Variants in SLC9B1 observed in about 807,000 individuals in gnomAD.
SLC9B1 encodes sodium/hydrogen exchanger 9B1.
Under a neutral mutation model 51.7 loss-of-function variants are expected in SLC9B1, and 32 were observed. The observed-to-expected ratio is 0.62, with a 90% CI of 0.47 to 0.83. SLC9B1 has a LOEUF of 0.83. Ranked by LOEUF, SLC9B1 falls within the 40% of genes least tolerant of loss-of-function variation. The probability of loss-of-function intolerance (pLI) is 0.00; values close to 1 mark genes in which losing one functional copy is unlikely to be tolerated. For missense variants in SLC9B1, 406 were observed against 613.2 expected, an observed-to-expected ratio of 0.66 and a Z score of 3.57; for synonymous variants, 145 against 212.7, an observed-to-expected ratio of 0.68 and a Z score of 2.77.
At chr4:102,899,595 G>C (rs1734696953), downstream of SLC9B1, among the ~76,000 whole-genome samples, 1 of 151,854 alleles carries the variant, frequency 6.6e-6, no homozygotes, top group Non-Finnish European at 1.5e-5. Context: ...TGTATTTTTA[G>C]TAGAGACGGG....
chr4:102,945,133 A>G, intron 6 of SLC9B1, 60 bp downstream of exon 6: 1 of 1,421,564 alleles, frequency 7.0e-7, no homozygotes, highest in Non-Finnish European at 9.4e-7. Flanking sequence ...ATATTTTAAC[A>G]GTTTTAATGA....
chr4:102,977,830 TAA>T (rs1474482050), intron 3 of SLC9B1, among the ~76,000 whole-genome samples: 1 of 152,218 alleles, frequency 6.6e-6, no homozygotes, highest in Non-Finnish European at 1.5e-5. Flanking sequence ...TATTATACTT[TAA>T]GTTTTAGGGT....
At chr4:102,950,560 T>C (rs1737495815) in intron 3 of SLC9B1, among the ~76,000 whole-genome samples, 1 of 152,216 alleles carries the variant, frequency 6.6e-6, no homozygotes, top group Admixed American at 6.5e-5. Context: ...TTTCCGGCTG[T>C]ATAGAATTTG....
chr4:102,939,814 A>C (rs1219526149), intron 6 of SLC9B1, among the ~76,000 whole-genome samples: 1 of 151,918 alleles, frequency 6.6e-6, no homozygotes, highest in Non-Finnish European at 1.5e-5. Context: ...TCCCTTCATG[A>C]TATAGACCCT....
At chr4:102,911,608 A>C in intron 7 of SLC9B1, 71 bp from the exon 8 acceptor site, 1 of 911,136 alleles carries the variant, frequency 1.1e-6, no homozygotes. Context: ...CAGAAAAGCA[A>C]ATCTAGGTGG....
At chr4:103,006,693 A>C (rs1740806302) in intron 1 of SLC9B1, among the ~76,000 whole-genome samples, 1 of 152,120 alleles carries the variant, frequency 6.6e-6, no homozygotes, top group Non-Finnish European at 1.5e-5. Flanking sequence ...AATAAAAAAG[A>C]AAAAGGCCAA....
chr4:102,986,458 G>C (rs1191670600), intron 3 of SLC9B1, among the ~76,000 whole-genome samples: 1 of 151,972 alleles, frequency 6.6e-6, no homozygotes, highest in Non-Finnish European at 1.5e-5. Context: ...AGTCTGTTTG[G>C]ACATTTACCC....
chr4:102,986,025 A>G (rs1002259858), intron 3 of SLC9B1, among the ~76,000 whole-genome samples: 2 of 152,130 alleles, frequency 1.3e-5, no homozygotes, highest in Non-Finnish European at 2.9e-5. Context: ...GAATTTAAAA[A>G]ATTTTATCTT....
chr4:102,958,516 T>TG (rs1316330063), intron 3 of SLC9B1, among the ~76,000 whole-genome samples: 2 of 152,214 alleles, frequency 1.3e-5, no homozygotes, highest in Non-Finnish European at 2.9e-5. Context: ...CCAGGTGTGA[T>TG]GACACATGCC....
chr4:102,966,958 TTCATCACTC>T (rs1379703836), intron 3 of SLC9B1, among the ~76,000 whole-genome samples: 1 of 152,230 alleles, frequency 6.6e-6, no homozygotes, highest in Non-Finnish European at 1.5e-5. Context: ...GGTACCCTAG[TTCATCACTC>T]TTAAGTTTGG....
rs1560962155 is a variant in SLC9B1 at position 102,974,241 on chromosome 4, T to TAAAA, written c.211+15558_211+15559insTTTT. 1.4e-3 allele frequency among the ~76,000 whole-genome samples: 23 copies of TAAAA among 16,774 alleles called. 1 individual carries two copies. The highest frequency in any genetic ancestry group is 3.1e-3 in the African/African-American group (17 of 5,466). The allele number at this position is 16,774 out of a possible 152,430, so 11.0% of individuals were successfully genotyped here. A position where few individuals can be genotyped will look rare whatever the true frequency, so the allele number is the denominator to read the frequency against. ...AACAGAGCAAGACTCTGTCTAAAAT[T>TAAAA]GAAAAAAAAAAAAAAAAAAAAAAAA... On this transcript the variant is annotated intron_variant, in intron 3 of 11. Transcript: ENST00000296422.
chr4:102,982,917 A>C (rs2110511756), intron 3 of SLC9B1, among the ~76,000 whole-genome samples: 1 of 152,234 alleles, frequency 6.6e-6, no homozygotes, highest in East Asian at 1.9e-4. Context: ...TTCCAGTACA[A>C]TGTTGAAAAG....
chr4:102,896,158 CTGAGTGATATCACTG>C (rs1560913265), downstream of SLC9B1, among the ~76,000 whole-genome samples: 1 of 152,102 alleles, frequency 6.6e-6, no homozygotes, highest in African/African-American at 2.4e-5. Flanking sequence ...TGCCATGCTG[CTGAGTGATATCACTG>C]AGACATGAAA....
rs34403441 is a variant in SLC9B1, at chr4:103,008,797, C to CTTT, written c.-2+10799_-2+10801dup. ...GATGATCTAAGGGCTTTAACAGTTT[C>CTTT]TTTTTTTTTTTTTTTTTTTTGAGAC... On this transcript the variant is annotated intron_variant, in intron 1 of 11. Transcript: ENST00000296422. 1.4e-3 allele frequency among the ~76,000 whole-genome samples: 137 copies of CTTT among 99,470 alleles called. 3 individuals are homozygous for CTTT. The highest frequency in any genetic ancestry group is 2.6e-3 in the African/African-American group (70 of 26,718). 65.3% of individuals were successfully genotyped at this position (99,470 alleles called of 152,430 possible). A position where few individuals can be genotyped will look rare whatever the true frequency, so the allele number is the denominator to read the frequency against.
At chr4:103,009,469 C>A (rs1341328987) in intron 1 of SLC9B1, among the ~76,000 whole-genome samples, 1 of 152,148 alleles carries the variant, frequency 6.6e-6, no homozygotes, top group African/African-American at 2.4e-5. Context: ...TTAAATTTGA[C>A]AACAGCATTA....
intron 3 of SLC9B1, among the ~76,000 whole-genome samples, chr4:102,983,327 C>G (rs1332615769): frequency 6.6e-6 from 1 of 152,028 alleles, no homozygotes; most frequent in African/African-American, 2.4e-5. Flanking sequence ...CATCTATGTG[C>G]ATGAGAGATA....
Position 102,929,937 on chromosome 4 carries a change from G to A in SLC9B1, c.829+2187C>T, listed in dbSNP as rs909568650. 1.2e-4 allele frequency among the ~76,000 whole-genome samples: 19 copies of A among 152,196 alleles called. 1 individual carries two copies. The highest frequency in any genetic ancestry group is 5.2e-4 in the Admixed American group (8 of 15,300). ...CAATAAAAAACTTTAACTTCTGAAT[G>A]GTAAAAAGAGTGAGAAAATTAAAAG... is the stretch of plus-strand genomic sequence containing the variant. On this transcript the variant is annotated intron_variant, in intron 7 of 11. Transcript: ENST00000296422.
intron 3 of SLC9B1, among the ~76,000 whole-genome samples, chr4:102,977,665 A>T (rs1405755340): frequency 6.6e-6 from 1 of 152,156 alleles, no homozygotes; most frequent in Admixed American, 6.6e-5. Flanking sequence ...AACCAGAAAA[A>T]TTTCTTGTCC....
intron 1 of SLC9B1, among the ~76,000 whole-genome samples, chr4:103,013,180 T>C (rs1741165229): frequency 6.6e-6 from 1 of 152,214 alleles, no homozygotes; most frequent in African/African-American, 2.4e-5. Flanking sequence ...TTCTTTCTGG[T>C]TCTTTCTTTT....
Sources: allele counts gnomAD v4.1 joint callset (sites outside exome capture counted in the v4.1 genomes callset), GRCh38; gene constraint gnomAD v4.1.1; transcripts MANE v1.5; gene names NCBI Gene and HGNC (gene_info 2026-07-23, HGNC 2026-07-21).